CEP112: variants seen among roughly 807,000 people sequenced by gnomAD.
CEP112 encodes centrosomal protein 112.
In CEP112, 127 loss-of-function variants were observed where a neutral mutation model predicts 153.0. The ratio of observed to expected loss-of-function variants is 0.83; its 90% CI spans 0.72 to 0.96. CEP112 has a LOEUF of 0.96. Ranked by LOEUF, CEP112 falls within the 40% of genes least tolerant of loss-of-function variation. The probability of loss-of-function intolerance (pLI) is 0.00; values close to 1 mark genes in which losing one functional copy is unlikely to be tolerated. For missense variants in CEP112, 1,089 were observed against 1,101.2 expected (o/e 0.99, Z 0.16); for synonymous variants, 358 against 374.4 (o/e 0.96, Z 0.51).
intron 17 of CEP112, among the ~76,000 whole-genome samples, chr17:65,971,536 G>A (rs1237578570): frequency 6.6e-6 from 1 of 151,492 alleles, no homozygotes; most frequent in Non-Finnish European, 1.5e-5. Context: ...TCACCTAAAT[G>A]TATGTTGCAT....
chr17:66,058,686 C>CA (rs375427393), intron 11 of CEP112, among the ~76,000 whole-genome samples: 5 of 151,362 alleles, frequency 3.3e-5, no homozygotes, highest in Non-Finnish European at 7.4e-5. Flanking sequence ...CCCACCTCTA[C>CA]AAAAAAAAGT....
chr17:65,808,225 C>A (rs2055729656), intron 21 of CEP112, among the ~76,000 whole-genome samples: 1 of 152,214 alleles, frequency 6.6e-6, no homozygotes, highest in African/African-American at 2.4e-5. Flanking sequence ...TTGCCAATTT[C>A]TCCCTTTTGG....
intron 23 of CEP112, among the ~76,000 whole-genome samples, chr17:65,713,170 A>C (rs890767154): frequency 1.3e-5 from 2 of 152,162 alleles, no homozygotes; most frequent in African/African-American, 4.8e-5. Flanking sequence ...GCTTTATGGA[A>C]ATGCATAATA....
intron 23 of CEP112, among the ~76,000 whole-genome samples, chr17:65,721,302 G>T (rs966185949): frequency 6.6e-6 from 1 of 152,086 alleles, no homozygotes; most frequent in Non-Finnish European, 1.5e-5. Context: ...GAGCCACCGC[G>T]CCCAGGCTTT....
In CEP112 at chr17:65,997,435, T is replaced by C. The variant is rs900970210; in HGVS notation, c.1736+8255A>G. On this transcript the variant is annotated intron_variant, in intron 17 of 26. Transcript: ENST00000535342. ...AGGCTGTTCAGTCAAAAACTCAAAA[T>C]AGAGTTTTAGCTATTTCCAGAAACC... 2.6e-5 allele frequency among the ~76,000 whole-genome samples: 4 copies of C among 152,208 alleles called. No homozygotes were observed. In the South Asian group the frequency reaches 8.3e-4, roughly 32 times the overall value.
intron 19 of CEP112, among the ~76,000 whole-genome samples, chr17:65,925,972 C>G (rs1356668905): frequency 6.6e-6 from 1 of 152,042 alleles, no homozygotes; most frequent in African/African-American, 2.4e-5. Flanking sequence ...AAAGCAAAAC[C>G]AAGCTAAAAA....
At chr17:66,059,554 A>C (rs772149474) in intron 11 of CEP112, among the ~76,000 whole-genome samples, 2 of 152,228 alleles carry the variant, frequency 1.3e-5, no homozygotes, top group African/African-American at 2.4e-5. Flanking sequence ...AAAATGTTCA[A>C]CATCACACGT....
At chr17:66,152,994 C>G (rs1298631261) in intron 4 of CEP112, among the ~76,000 whole-genome samples, 4 of 152,024 alleles carry the variant, frequency 2.6e-5, no homozygotes, top group Non-Finnish European at 4.4e-5. Flanking sequence ...CCACTGCATA[C>G]CAACTAAAAT....
chr17:66,014,861 C>A, intron 16 of CEP112, among the ~76,000 whole-genome samples: 1 of 152,176 alleles, frequency 6.6e-6, no homozygotes, highest in Non-Finnish European at 1.5e-5. Flanking sequence ...AATGTCCTAC[C>A]CCCTTGGTGG....
intron 21 of CEP112, among the ~76,000 whole-genome samples, chr17:65,818,400 A>G (rs2056378199): frequency 6.6e-6 from 1 of 151,928 alleles, no homozygotes; most frequent in South Asian, 2.1e-4. Context: ...TTAGAAATAG[A>G]AAACTAGCAA....
intron 12 of CEP112, among the ~76,000 whole-genome samples, chr17:66,049,903 G>T (rs2066367490): frequency 1.3e-5 from 2 of 152,044 alleles, no homozygotes; most frequent in African/African-American, 4.8e-5. Flanking sequence ...TAGAAATAAA[G>T]AATAGGAAGA....
chr17:66,147,184 G>T (rs2070954616), intron 4 of CEP112, among the ~76,000 whole-genome samples: 2 of 151,690 alleles, frequency 1.3e-5, no homozygotes, highest in Non-Finnish European at 2.9e-5. Context: ...TTTTTTCACA[G>T]TAGCCATCCT....
intron 6 of CEP112, among the ~76,000 whole-genome samples, chr17:66,109,880 TC>T (rs1254813906): frequency 3.9e-5 from 6 of 152,044 alleles, no homozygotes; most frequent in African/African-American, 1.4e-4. Context: ...AATAAAACCA[TC>T]CGGGCATGTT....
At chr17:66,034,869 G>A (rs1157714559) in intron 12 of CEP112, among the ~76,000 whole-genome samples, 1 of 149,870 alleles carries the variant, frequency 6.7e-6, no homozygotes, top group African/African-American at 2.4e-5. Flanking sequence ...GTGCAGTGGC[G>A]CAATCTCGAC....
intron 23 of CEP112, among the ~76,000 whole-genome samples, chr17:65,723,678 A>G (rs189583303): frequency 6.6e-6 from 1 of 152,356 alleles, no homozygotes; most frequent in Non-Finnish European, 1.5e-5. Flanking sequence ...TTTATGAACT[A>G]GTCTATTTGT....
chr17:65,844,342 A>G (rs1401118797), intron 21 of CEP112, among the ~76,000 whole-genome samples: 1 of 152,250 alleles, frequency 6.6e-6, no homozygotes, highest in Non-Finnish European at 1.5e-5. Flanking sequence ...AATGTCAACA[A>G]AAGTTTATGT....
chr17:66,122,758 C>G (rs1358498018), intron 6 of CEP112, among the ~76,000 whole-genome samples: 1 of 152,184 alleles, frequency 6.6e-6, no homozygotes, highest in Non-Finnish European at 1.5e-5. Flanking sequence ...CAATTAAATT[C>G]AGGCAGGGGT....
At chr17:65,643,633 T>C (rs2045271990) in intron 24 of CEP112, among the ~76,000 whole-genome samples, 1 of 152,150 alleles carries the variant, frequency 6.6e-6, no homozygotes, top group Non-Finnish European at 1.5e-5. Context: ...ACTTGTACTA[T>C]GTGGAGCGTT....
rs117927589 is a variant in CEP112, at chr17:65,892,612, C to A, written c.2163+9540G>T. Among the ~76,000 whole-genome samples, 373 of 152,118 alleles carry A rather than the reference C, an allele frequency of 2.5e-3. 8 individuals carry two copies. The East Asian group carries it at 0.058, about 24-fold the overall frequency. On this transcript the variant is annotated intron_variant, in intron 20 of 26. Coordinates refer to ENST00000535342, the MANE Select transcript of CEP112 (RefSeq NM_001199165.4). ...AAATTTTGCCCCAAGTCTGAAACAT[C>A]TATGTACAGTCCGGGCTTTAACAGG... is the stretch of plus-strand genomic sequence containing the variant.
Sources: gnomAD v4.1 joint callset for allele counts (sites outside exome capture counted in the v4.1 genomes callset) on GRCh38, gnomAD v4.1.1 for gene constraint, MANE v1.5 for transcripts, NCBI Gene and HGNC (gene_info 2026-07-23, HGNC 2026-07-21) for gene names.